PDE1C: variants seen among roughly 807,000 people sequenced by gnomAD.
PDE1C encodes the protein dual specificity calcium/calmodulin-dependent 3',5'-cyclic nucleotide phosphodiesterase 1C.
PDE1C carries 62 observed loss-of-function variants against 93.1 expected under a neutral mutation model. The ratio of observed to expected loss-of-function variants is 0.67; its 90% CI spans 0.54 to 0.82. PDE1C has a LOEUF of 0.82. Among genes scored for constraint, PDE1C ranks in the 40% least tolerant of loss-of-function variants. The pLI is 0.00. For missense variants in PDE1C, 742 were observed against 884.6 expected, an observed-to-expected ratio of 0.84 and a Z score of 2.04; for synonymous variants, 325 against 310.1, an observed-to-expected ratio of 1.05 and a Z score of -0.50.
chr7:32,097,388 A>G (rs538820812), intron 3 of PDE1C, among the ~76,000 whole-genome samples: 1 of 152,362 alleles, frequency 6.6e-6, no homozygotes, highest in East Asian at 1.9e-4. Context: ...CCAAAGTGCC[A>G]AACAGCAAGT....
At chr7:32,244,723 C>T (rs565285496) in intron 1 of PDE1C, among the ~76,000 whole-genome samples, 10 of 152,246 alleles carry the variant, frequency 6.6e-5, no homozygotes, top group South Asian at 2.1e-4. Context: ...CGTGATGTTC[C>T]GCTGTAAAGA....
chr7:31,893,746 C>T (rs935730238), intron 2 of PDE1C, among the ~76,000 whole-genome samples: 1 of 152,042 alleles, frequency 6.6e-6, no homozygotes, highest in African/African-American at 2.4e-5. Context: ...GCAGTAATAG[C>T]CACAAACACT....
chr7:32,381,456 C>T (rs1281779271), intron 1 of PDE1C, among the ~76,000 whole-genome samples: 1 of 152,130 alleles, frequency 6.6e-6, no homozygotes, highest in East Asian at 1.9e-4. Context: ...CTCATCCAGG[C>T]CTATGTGAAT....
At chr7:31,979,196 A>G (rs909373934) in intron 2 of PDE1C, among the ~76,000 whole-genome samples, 7 of 152,206 alleles carry the variant, frequency 4.6e-5, no homozygotes, top group African/African-American at 1.7e-4. Flanking sequence ...ATGGAAATAA[A>G]GAAGTATATG....
intron 15 of PDE1C, among the ~76,000 whole-genome samples, chr7:31,811,818 C>T (rs1253157076): frequency 1.3e-5 from 2 of 152,088 alleles, no homozygotes; most frequent in African/African-American, 4.8e-5. Flanking sequence ...GTCATCTCAA[C>T]AGAGGGCAAA....
At chr7:31,620,426 A>G in the PDE1C span, among the ~76,000 whole-genome samples, 1 of 151,830 alleles carries the variant, frequency 6.6e-6, no homozygotes, top group Non-Finnish European at 1.5e-5. Flanking sequence ...CAGAGGAACG[A>G]TCAGACAGCA....
At chr7:32,242,736 A>C (rs1808632333) in intron 1 of PDE1C, among the ~76,000 whole-genome samples, 1 of 152,128 alleles carries the variant, frequency 6.6e-6, no homozygotes, top group African/African-American at 2.4e-5. Context: ...AGAAGGGAGA[A>C]GTTCATCTAT....
intron 2 of PDE1C, among the ~76,000 whole-genome samples, chr7:32,047,052 T>TGTGTGTGC (rs1246829772): frequency 1.7e-5 from 2 of 117,294 alleles, no homozygotes; most frequent in Admixed American, 9.1e-5. Flanking sequence ...TGTGTGTGTG[T>TGTGTGTGC]GCGAGACAGA....
intron 3 of PDE1C, among the ~76,000 whole-genome samples, chr7:32,091,886 A>G (rs1258229546): frequency 1.3e-5 from 2 of 152,184 alleles, no homozygotes; most frequent in Non-Finnish European, 2.9e-5. Flanking sequence ...AAGTCCAGGT[A>G]AGAGGCTACA....
chr7:32,377,237 T>C (rs910442768), intron 1 of PDE1C, among the ~76,000 whole-genome samples: 2 of 152,200 alleles, frequency 1.3e-5, no homozygotes, highest in African/African-American at 4.8e-5. Context: ...GCTGCATCTC[T>C]GGGAAAGAGT....
At chr7:32,412,315 G>T (rs1324621595) in intron 1 of PDE1C, among the ~76,000 whole-genome samples, 4 of 151,922 alleles carry the variant, frequency 2.6e-5, no homozygotes, top group Non-Finnish European at 5.9e-5. Context: ...AATTAGCCAG[G>T]CATGGTGGTG....
chr7:31,899,631 CAG>C (rs1229243795), intron 2 of PDE1C, among the ~76,000 whole-genome samples: 3 of 152,066 alleles, frequency 2.0e-5, no homozygotes, highest in African/African-American at 7.2e-5. Context: ...GAATAAGAGA[CAG>C]GGTGGAAAAA....
intron 17 of PDE1C, among the ~76,000 whole-genome samples, chr7:31,766,230 A>C (rs868168430): frequency 6.6e-6 from 1 of 151,984 alleles, no homozygotes; most frequent in African/African-American, 2.4e-5. Flanking sequence ...TAAAAATACA[A>C]AAAATTAGCC....
the PDE1C span, among the ~76,000 whole-genome samples, chr7:31,645,561 T>C: frequency 1.3e-5 from 2 of 152,086 alleles, no homozygotes; most frequent in Non-Finnish European, 2.9e-5. Context: ...GTTCAAATCC[T>C]GGGTAACAGT....
chr7:32,231,328 C>A (rs115493096), intron 1 of PDE1C, among the ~76,000 whole-genome samples: 1 of 152,050 alleles, frequency 6.6e-6, no homozygotes, highest in Non-Finnish European at 1.5e-5. Flanking sequence ...CACACACACA[C>A]GCGCACGTGC....
At chr7:31,688,140 T>C in the PDE1C span, among the ~76,000 whole-genome samples, 2 of 152,204 alleles carry the variant, frequency 1.3e-5, no homozygotes, top group South Asian at 4.1e-4. Context: ...AAAATATCAG[T>C]GTGTAGGACC....
chr7:32,136,317 A>T (rs73102589), intron 3 of PDE1C, among the ~76,000 whole-genome samples: 48,986 of 151,922 alleles, frequency 0.32, 8,683 homozygotes, highest in South Asian at 0.41. Flanking sequence ...ACAGATATTT[A>T]AAAAAAATTA....
chr7:31,655,438 G>A, the PDE1C span, among the ~76,000 whole-genome samples: 26 of 152,188 alleles, frequency 1.7e-4, no homozygotes, highest in Admixed American at 1.7e-3. Context: ...TCTCCAAACT[G>A]CACTGGCCTC....
rs11773371 is a variant in PDE1C, at chr7:32,310,591, A to G, written c.311-101052T>C. On this transcript the variant is annotated intron_variant, in intron 1 of 1. Transcript: ENST00000672256. ...TGCAATCAAACTAGAACTGAGGACT[A>G]AGAAACTCACTCAAAACTGCTCAAC... Among the ~76,000 whole-genome samples the G allele has an allele frequency of 4.7e-3, 714 of 152,388 alleles. 3 individuals carry two copies. Among genetic ancestry groups the G allele is most frequent in the Non-Finnish European group, 8.3e-3 (563 of 68,048 alleles).
Sources: allele counts gnomAD v4.1 joint callset (sites outside exome capture counted in the v4.1 genomes callset), GRCh38; gene constraint gnomAD v4.1.1; transcripts MANE v1.5; gene names NCBI Gene and HGNC (gene_info 2026-07-23, HGNC 2026-07-21).